The following SLC4A10 variants were observed in gnomAD, a reference collection of about 807,000 sequenced individuals.
The protein encoded by SLC4A10 is sodium-driven chloride bicarbonate exchanger.
Under a neutral mutation model 137.7 loss-of-function variants are expected in SLC4A10, and 42 were observed. That is an observed-to-expected ratio of 0.30 (90% CI 0.24 to 0.39). SLC4A10 has a LOEUF of 0.39. Ranked by LOEUF, SLC4A10 falls within the 10% of genes least tolerant of loss-of-function variation. The pLI is 1.00. For missense variants in SLC4A10, 925 were observed against 1,355.0 expected, an observed-to-expected ratio of 0.68 and a Z score of 4.98; for synonymous variants, 474 against 464.1, an observed-to-expected ratio of 1.02 and a Z score of -0.27.
intron 1 of SLC4A10, among the ~76,000 whole-genome samples, chr2:161,629,768 T>A (rs533474142): frequency 6.6e-6 from 1 of 151,874 alleles, no homozygotes; most frequent in Admixed American, 6.6e-5. Flanking sequence ...AGTTTTGCAT[T>A]TTTTAGAGTA....
At chr2:161,862,800 G>A in intron 5 of SLC4A10, 74 bp from the exon 6 acceptor site, 1 of 1,193,158 alleles carries the variant, frequency 8.4e-7, no homozygotes, top group South Asian at 2.7e-5. Context: ...TGCATATTTG[G>A]ACTCAGTGGT....
chr2:161,946,438 G>A (rs1575784138), intron 16 of SLC4A10, among the ~76,000 whole-genome samples: 1 of 151,978 alleles, frequency 6.6e-6, no homozygotes, highest in Admixed American at 6.6e-5. Flanking sequence ...CAGGCCTAAA[G>A]TTGGGCAGAC....
intron 1 of SLC4A10, among the ~76,000 whole-genome samples, chr2:161,681,150 A>G (rs532473576): frequency 3.3e-5 from 5 of 152,104 alleles, no homozygotes; most frequent in Non-Finnish European, 7.3e-5. Context: ...CTTACTATCC[A>G]CCTGAATCCA....
intron 1 of SLC4A10, among the ~76,000 whole-genome samples, chr2:161,668,139 T>A (rs2039290960): frequency 6.6e-6 from 1 of 151,802 alleles, no homozygotes; most frequent in South Asian, 2.1e-4. Flanking sequence ...TTTGAACTAC[T>A]CCACTGATTA....
At chr2:161,770,691 AT>A (rs534766887) in intron 1 of SLC4A10, among the ~76,000 whole-genome samples, 93 of 151,058 alleles carry the variant, frequency 6.2e-4, no homozygotes, top group East Asian at 1.2e-3. Context: ...TAGAATAACT[AT>A]TTTTTTTTGT....
At chr2:161,737,001 C>T (rs578058592) in intron 1 of SLC4A10, among the ~76,000 whole-genome samples, 1 of 152,000 alleles carries the variant, frequency 6.6e-6, no homozygotes, top group South Asian at 2.1e-4. Context: ...GTTGGAATTA[C>T]AGGTATGCAC....
At chr2:161,783,818 G>C (rs934995782) in intron 2 of SLC4A10, among the ~76,000 whole-genome samples, 1 of 151,562 alleles carries the variant, frequency 6.6e-6, no homozygotes, top group Non-Finnish European at 1.5e-5. Flanking sequence ...CATGAAAAAT[G>C]AGAGCAAGAG....
chr2:161,759,296 C>T (rs1416986140), intron 1 of SLC4A10, among the ~76,000 whole-genome samples: 1 of 151,882 alleles, frequency 6.6e-6, no homozygotes, highest in African/African-American at 2.4e-5. Flanking sequence ...TCAATACATC[C>T]ATCAGCATAC....
chr2:161,808,449 G>A (rs1178108340), intron 3 of SLC4A10, among the ~76,000 whole-genome samples: 1 of 151,888 alleles, frequency 6.6e-6, no homozygotes, highest in African/African-American at 2.4e-5. Flanking sequence ...TGGATTCGGG[G>A]GCATGTGTGC....
intron 3 of SLC4A10, among the ~76,000 whole-genome samples, chr2:161,820,269 A>G (rs1246461242): frequency 1.3e-5 from 2 of 152,192 alleles, no homozygotes; most frequent in Admixed American, 6.5e-5. Flanking sequence ...TATTTTAATG[A>G]CCAATTAGGT....
chr2:161,751,507 C>T (rs963920585), intron 1 of SLC4A10, among the ~76,000 whole-genome samples: 6 of 151,338 alleles, frequency 4.0e-5, no homozygotes, highest in African/African-American at 1.2e-4. Context: ...CTTAATTTTT[C>T]CTGCATGTAG....
At chr2:161,881,938 C>G (rs780397490) in intron 9 of SLC4A10, among the ~76,000 whole-genome samples, 3 of 151,938 alleles carry the variant, frequency 2.0e-5, no homozygotes, top group Non-Finnish European at 4.4e-5. Flanking sequence ...TGTTTTGCTA[C>G]TGTGTTACCT....
intron 7 of SLC4A10, chr2:161,873,663 A>G (rs2061286028): frequency 3.3e-6 from 1 of 299,994 alleles, no homozygotes; most frequent in African/African-American, 2.1e-5. Context: ...TAATATTTTA[A>G]TAAAGCCCTT....
At chr2:161,835,313 A>G (rs1032826976) in intron 3 of SLC4A10, among the ~76,000 whole-genome samples, 5 of 152,194 alleles carry the variant, frequency 3.3e-5, no homozygotes, top group African/African-American at 2.4e-5. Flanking sequence ...CTGGGATTAC[A>G]GGCATGAACC....
At chr2:161,632,901 A>G (rs1176696699) in intron 1 of SLC4A10, among the ~76,000 whole-genome samples, 1 of 151,752 alleles carries the variant, frequency 6.6e-6, no homozygotes, top group African/African-American at 2.4e-5. Flanking sequence ...TTGCCATAAA[A>G]CAGCCTTTTT....
chr2:161,663,921 T>G (rs2038744727), intron 1 of SLC4A10, among the ~76,000 whole-genome samples: 1 of 152,158 alleles, frequency 6.6e-6, no homozygotes, highest in Admixed American at 6.5e-5. Context: ...ACTGCATACA[T>G]TTTTTGTTAA....
chr2:161,813,266 C>G (rs73021511), intron 3 of SLC4A10, among the ~76,000 whole-genome samples: 5,268 of 152,056 alleles, frequency 0.035, 303 homozygotes, highest in African/African-American at 0.12. Context: ...ATCTACCTAG[C>G]TATATCTTAA....
intron 1 of SLC4A10, among the ~76,000 whole-genome samples, chr2:161,702,956 A>G (rs762351973): frequency 6.6e-5 from 10 of 151,790 alleles, no homozygotes; most frequent in Non-Finnish European, 1.3e-4. Context: ...GTGTTAATGT[A>G]TGCCTACCTT....
intron 1 of SLC4A10, among the ~76,000 whole-genome samples, chr2:161,655,478 A>G (rs2037385557): frequency 6.6e-6 from 1 of 152,196 alleles, no homozygotes; most frequent in African/African-American, 2.4e-5. Context: ...CACATTGACC[A>G]TGATGTTAGC....
Sources: allele counts gnomAD v4.1 joint callset (sites outside exome capture counted in the v4.1 genomes callset), GRCh38; gene constraint gnomAD v4.1.1; transcripts MANE v1.5; gene names NCBI Gene and HGNC (gene_info 2026-07-23, HGNC 2026-07-21).